SGCD: variants seen among roughly 807,000 people sequenced by gnomAD.
The protein encoded by SGCD is sarcoglycan delta, also known as delta-sarcoglycan.
In SGCD, 18 loss-of-function variants were observed where a neutral mutation model predicts 36.6. The observed-to-expected ratio is 0.49, with a 90% CI of 0.34 to 0.73. The LOEUF (loss-of-function observed/expected upper bound fraction) is 0.73, where lower values mean the gene tolerates loss of function less well. SGCD is among the 30% of genes least tolerant of loss of function. SGCD has a pLI of 0.01. For missense variants in SGCD, 387 were observed against 346.7 expected (o/e 1.12, Z -0.92); for synonymous variants, 133 against 130.6 (o/e 1.02, Z -0.12).
rs141549525 is a variant in SGCD, at chr5:156,506,492, C to T, written c.193-2109C>T. On this transcript the variant is annotated intron_variant, in intron 3 of 8. Transcript: ENST00000337851. Reference sequence around the variant, plus strand: ...AATACCATTTCCCACTGAAATGAACCAGGGCTTCTTACTAAAAATGGCTGA... The same window carrying T: ...AATACCATTTCCCACTGAAATGAACTAGGGCTTCTTACTAAAAATGGCTGA... 3.4e-3 allele frequency among the ~76,000 whole-genome samples: 522 copies of T among 152,106 alleles called. 1 individual carries two copies. Among genetic ancestry groups the T allele is most frequent in the African/African-American group, 0.012 (492 of 41,476 alleles).
At chr5:155,966,119 C>T (rs1374821919) in intron 1 of SGCD, among the ~76,000 whole-genome samples, 1 of 152,072 alleles carries the variant, frequency 6.6e-6, no homozygotes, top group Non-Finnish European at 1.5e-5. Context: ...TGTGTCGATG[C>T]TGAGAGAAGT....
intron 3 of SGCD, among the ~76,000 whole-genome samples, chr5:156,125,298 A>G (rs1471894232): frequency 6.6e-6 from 1 of 152,186 alleles, no homozygotes; most frequent in Non-Finnish European, 1.5e-5. Context: ...CACGTGCCAG[A>G]TAGAAGGGTG....
the SGCD span, among the ~76,000 whole-genome samples, chr5:155,770,824 A>G: frequency 6.6e-6 from 1 of 152,142 alleles, no homozygotes; most frequent in African/African-American, 2.4e-5. Context: ...CGCAAGCTCG[A>G]TAAGTTCATA....
intron 1 of SGCD, among the ~76,000 whole-genome samples, chr5:155,973,096 G>A (rs140770622): frequency 0.012 from 1,811 of 152,172 alleles, 24 homozygotes; most frequent in Non-Finnish European, 0.016. Flanking sequence ...TTTACCGCAA[G>A]GCAAAGAATG....
intron 1 of SGCD, among the ~76,000 whole-genome samples, chr5:155,937,717 A>T (rs1162148601): frequency 6.6e-6 from 1 of 152,222 alleles, no homozygotes; most frequent in East Asian, 1.9e-4. Flanking sequence ...AAGTGGGGGA[A>T]GATGGGCATT....
intron 2 of SGCD, among the ~76,000 whole-genome samples, chr5:156,331,081 A>G (rs1768047663): frequency 6.6e-6 from 1 of 152,242 alleles, no homozygotes; most frequent in East Asian, 1.9e-4. Context: ...CAGGCAAATC[A>G]ACAAAGAGTG....
intron 3 of SGCD, among the ~76,000 whole-genome samples, chr5:156,506,965 G>T (rs1756728136): frequency 6.6e-6 from 1 of 152,196 alleles, no homozygotes; most frequent in South Asian, 2.1e-4. Context: ...GAAATCATGG[G>T]TCCTCTAGGC....
chr5:155,851,571 T>A, the SGCD span, among the ~76,000 whole-genome samples: 1 of 151,938 alleles, frequency 6.6e-6, no homozygotes, highest in Non-Finnish European at 1.5e-5. Flanking sequence ...TAGTTTTGGG[T>A]TTTTAGTGCT....
chr5:155,932,540 C>A (rs555546420), intron 1 of SGCD, among the ~76,000 whole-genome samples: 9 of 152,302 alleles, frequency 5.9e-5, no homozygotes, highest in African/African-American at 2.2e-4. Context: ...TTCATAGATA[C>A]TTTGACCTAC....
intron 3 of SGCD, among the ~76,000 whole-genome samples, chr5:156,439,431 G>A (rs1365362608): frequency 6.6e-6 from 1 of 152,018 alleles, no homozygotes; most frequent in Non-Finnish European, 1.5e-5. Context: ...ATTGTTCCTG[G>A]TTTTCTTTCT....
At chr5:155,912,010 C>T (rs1041064782) in intron 1 of SGCD, among the ~76,000 whole-genome samples, 2 of 152,058 alleles carry the variant, frequency 1.3e-5, no homozygotes, top group Non-Finnish European at 2.9e-5. Context: ...GTGCATAACA[C>T]TTTCCTCTTT....
At chr5:156,476,367 C>A (rs548934182) in intron 3 of SGCD, among the ~76,000 whole-genome samples, 2 of 151,702 alleles carry the variant, frequency 1.3e-5, no homozygotes, top group Non-Finnish European at 2.9e-5. Flanking sequence ...TGAGAGCGGC[C>A]GAAGTGGAAG....
At position 156,654,153 on chromosome 5, in the gene SGCD, G is replaced by A. The variant is rs149560237; in HGVS notation, c.575+6617G>A. 6.0e-4 allele frequency among the ~76,000 whole-genome samples: 92 copies of A among 152,224 alleles called. No individual in the cohort carries two copies. The Middle Eastern group carries it at 0.01, about 17-fold the overall frequency. ...TGTATAGCACAAGGGGATTATAGGA[G>A]AACAATTACCCAATAACCCAATGAG... On this transcript the variant is annotated intron_variant, in intron 7 of 8. Coordinates refer to ENST00000337851, the MANE Select transcript of SGCD (RefSeq NM_000337.6).
chr5:155,880,441 A>C (rs536378000), intron 1 of SGCD, among the ~76,000 whole-genome samples: 1 of 152,304 alleles, frequency 6.6e-6, no homozygotes, highest in Admixed American at 6.5e-5. Flanking sequence ...TGGTGCATAA[A>C]TCTTGAATTT....
At chr5:156,752,186 T>C (rs1227649068) in intron 7 of SGCD, among the ~76,000 whole-genome samples, 3 of 152,194 alleles carry the variant, frequency 2.0e-5, no homozygotes, top group Non-Finnish European at 4.4e-5. Context: ...GGAATTATTC[T>C]GCGTGTGAAG....
intron 3 of SGCD, among the ~76,000 whole-genome samples, chr5:156,204,928 G>C (rs1206861915): frequency 6.6e-6 from 1 of 152,150 alleles, no homozygotes; most frequent in East Asian, 1.9e-4. Context: ...CTACAACCGT[G>C]ATCTCAAAAG....
chr5:156,563,925 G>A lies in SGCD; in HGVS notation c.295-25306G>A, dbSNP rs191750590. 4.0e-3 allele frequency among the ~76,000 whole-genome samples: 605 copies of A among 152,288 alleles called. 1 individual carries two copies. Among genetic ancestry groups the A allele is most frequent in the African/African-American group, 0.013 (560 of 41,562 alleles). On this transcript the variant is annotated intron_variant, in intron 4 of 8. Coordinates refer to ENST00000337851, the MANE Select transcript of SGCD (RefSeq NM_000337.6). Reference sequence around the variant, plus strand: ...GAAAGTTCTTCCCCTACTCCCTCAAGTTCTTCAGACTAAATTACAGAGAGA... The same window carrying A: ...GAAAGTTCTTCCCCTACTCCCTCAAATTCTTCAGACTAAATTACAGAGAGA...
intron 3 of SGCD, among the ~76,000 whole-genome samples, chr5:156,295,888 A>T (rs1303876245): frequency 1.3e-5 from 2 of 152,210 alleles, no homozygotes; most frequent in Non-Finnish European, 2.9e-5. Context: ...CAACTCAACA[A>T]ATCACATAAA....
At chr5:156,155,600 T>C (rs1762937535) in intron 3 of SGCD, among the ~76,000 whole-genome samples, 1 of 135,802 alleles carries the variant, frequency 7.4e-6, no homozygotes, top group Admixed American at 7.8e-5. Flanking sequence ...AACCTAGTAA[T>C]GTCGTGGGCT....
Sources: allele counts gnomAD v4.1 joint callset (sites outside exome capture counted in the v4.1 genomes callset), GRCh38; gene constraint gnomAD v4.1.1; transcripts MANE v1.5; gene names NCBI Gene and HGNC (gene_info 2026-07-23, HGNC 2026-07-21).